Variants in CTNNA2 observed in about 807,000 individuals in gnomAD.
CTNNA2 encodes catenin alpha-2.
CTNNA2 carries 42 observed loss-of-function variants against 101.0 expected under a neutral mutation model. That is an observed-to-expected ratio of 0.42 (90% CI 0.32 to 0.54). The LOEUF is 0.54. CTNNA2 is among the 20% of genes least tolerant of loss of function. The pLI, the probability that CTNNA2 is intolerant of heterozygous loss-of-function variation, is 0.14. For missense variants in CTNNA2, 871 were observed against 1,223.1 expected, an observed-to-expected ratio of 0.71 and a Z score of 4.29; for synonymous variants, 450 against 456.4, an observed-to-expected ratio of 0.99 and a Z score of 0.18.
intron 2 of CTNNA2, among the ~76,000 whole-genome samples, chr2:79,719,976 G>A (rs1686372099): frequency 6.6e-6 from 1 of 152,228 alleles, no homozygotes; most frequent in Admixed American, 6.5e-5. Context: ...CAAGGCCAAT[G>A]TTGAGAAGGG....
At chr2:79,715,575 A>G (rs577664172) in intron 2 of CTNNA2, among the ~76,000 whole-genome samples, 1 of 152,278 alleles carries the variant, frequency 6.6e-6, no homozygotes, top group African/African-American at 2.4e-5. Flanking sequence ...ATATAAGGGT[A>G]AGCAATGGAT....
chr2:80,640,971 G>T (rs548552923), intron 18 of CTNNA2, among the ~76,000 whole-genome samples: 3 of 152,034 alleles, frequency 2.0e-5, no homozygotes, highest in Non-Finnish European at 4.4e-5. Flanking sequence ...CCTTAAAATC[G>T]TTCTTGTTCT....
At chr2:80,589,085 T>G (rs1696219473) in intron 14 of CTNNA2, among the ~76,000 whole-genome samples, 1 of 152,194 alleles carries the variant, frequency 6.6e-6, no homozygotes, top group Non-Finnish European at 1.5e-5. Context: ...TGGATATCTC[T>G]GTATTTTTCA....
intron 1 of CTNNA2, among the ~76,000 whole-genome samples, chr2:79,515,442 G>A (rs544376034): frequency 2.4e-4 from 36 of 152,316 alleles, no homozygotes; most frequent in Admixed American, 7.8e-4. Flanking sequence ...GGAGGTGGCA[G>A]CCCCTCTATG....
Position 80,414,603 on chromosome 2 carries a change from T to C in CTNNA2, c.1138-4846T>C, listed in dbSNP as rs535162065. The stretch of plus-strand genomic sequence containing the variant: ...TCCTCCCGACCGCTACCTCCTGTAC[T>C]CTTGCAACTAGTTGAGGACGTATGA... On this transcript the variant is annotated intron_variant, in intron 8 of 18. Coordinates refer to ENST00000402739, the MANE Select transcript of CTNNA2 (RefSeq NM_001282597.3). Among the ~76,000 whole-genome samples the C allele has an allele frequency of 6.8e-4, 103 of 152,330 alleles. 1 individual carries two copies. The Middle Eastern group carries it at 0.01, about 15-fold the overall frequency.
chr2:79,757,535 G>T (rs1243573412), intron 3 of CTNNA2, among the ~76,000 whole-genome samples: 1 of 152,058 alleles, frequency 6.6e-6, no homozygotes, highest in Admixed American at 6.6e-5. Flanking sequence ...GGCATGCAAG[G>T]ATATACAAAA....
intron 7 of CTNNA2, among the ~76,000 whole-genome samples, chr2:80,155,617 A>G (rs922002807): frequency 1.3e-5 from 2 of 152,144 alleles, no homozygotes; most frequent in Non-Finnish European, 2.9e-5. Flanking sequence ...TTGGTTCAGA[A>G]AATGGGATAT....
chr2:80,079,647 A>C (rs973502889), intron 7 of CTNNA2, among the ~76,000 whole-genome samples: 8 of 151,922 alleles, frequency 5.3e-5, no homozygotes, highest in Non-Finnish European at 1.0e-4. Flanking sequence ...CCCCGTGTCT[A>C]CTAAAAATAC....
At chr2:79,348,027 C>T (rs894171111) in intron 3 of CTNNA2, among the ~76,000 whole-genome samples, 3 of 152,020 alleles carry the variant, frequency 2.0e-5, no homozygotes, top group Non-Finnish European at 4.4e-5. Flanking sequence ...AGCAGTAAAA[C>T]AAGGGTAGAA....
At chr2:80,218,555 G>T (rs888973642) in intron 7 of CTNNA2, among the ~76,000 whole-genome samples, 10 of 152,210 alleles carry the variant, frequency 6.6e-5, no homozygotes, top group African/African-American at 2.4e-4. Context: ...TTGGAATTCA[G>T]CTCTGATATG....
chr2:80,003,088 T>TAGC (rs535834167), intron 7 of CTNNA2, among the ~76,000 whole-genome samples: 124 of 152,090 alleles, frequency 8.2e-4, no homozygotes, highest in East Asian at 5.0e-3. Flanking sequence ...GTGGTGCTTC[T>TAGC]AGCAGCAGCA....
chr2:80,021,734 A>G (rs184481930), intron 7 of CTNNA2, among the ~76,000 whole-genome samples: 2 of 152,260 alleles, frequency 1.3e-5, no homozygotes, highest in Admixed American at 1.3e-4. Flanking sequence ...TGTGGTGAGA[A>G]CATTTAAAAT....
At chr2:80,093,617 A>G (rs1699935852) in intron 7 of CTNNA2, among the ~76,000 whole-genome samples, 1 of 152,114 alleles carries the variant, frequency 6.6e-6, no homozygotes, top group African/African-American at 2.4e-5. Flanking sequence ...TTACAGTCCC[A>G]CCAACAGAGT....
intron 9 of CTNNA2, among the ~76,000 whole-genome samples, chr2:80,468,514 T>A (rs1685041665): frequency 6.6e-6 from 1 of 152,040 alleles, no homozygotes; most frequent in East Asian, 1.9e-4. Context: ...CACCTCCCGG[T>A]TCAAGTGATT....
intron 3 of CTNNA2, among the ~76,000 whole-genome samples, chr2:79,365,975 T>C (rs1038396986): frequency 6.6e-6 from 1 of 152,226 alleles, no homozygotes; most frequent in Non-Finnish European, 1.5e-5. Flanking sequence ...TGAGGGTTAA[T>C]GTTCAGTTCA....
chr2:79,494,449 G>A (rs568353050), intron 4 of CTNNA2, among the ~76,000 whole-genome samples: 2 of 152,138 alleles, frequency 1.3e-5, no homozygotes, highest in East Asian at 3.9e-4. Flanking sequence ...TGTAGTACTG[G>A]TATAAAAATA....
chr2:80,619,487 G>T (rs540876215), intron 18 of CTNNA2, among the ~76,000 whole-genome samples: 1 of 151,798 alleles, frequency 6.6e-6, no homozygotes, highest in Non-Finnish European at 1.5e-5. Flanking sequence ...TTCCCATTGG[G>T]ACTGAAAGTC....
At chr2:79,853,070 G>A (rs61489528) in intron 3 of CTNNA2, among the ~76,000 whole-genome samples, 2,941 of 151,940 alleles carry the variant, frequency 0.019, 86 homozygotes, top group East Asian at 0.14. Flanking sequence ...GTTTCACCAT[G>A]TTGGCCAGGC....
At chr2:79,347,660 C>G (rs1400157154) in intron 3 of CTNNA2, among the ~76,000 whole-genome samples, 1 of 152,120 alleles carries the variant, frequency 6.6e-6, no homozygotes. Context: ...TACATACTGA[C>G]TGGCCTCAGG....
Sources: gnomAD v4.1 joint callset for allele counts (sites outside exome capture counted in the v4.1 genomes callset) on GRCh38, gnomAD v4.1.1 for gene constraint, MANE v1.5 for transcripts, NCBI Gene and HGNC (gene_info 2026-07-23, HGNC 2026-07-21) for gene names.